Variants in SPOCK3 observed in about 807,000 individuals in gnomAD.
The protein encoded by SPOCK3 is testican-3.
SPOCK3 carries 30 observed loss-of-function variants against 56.6 expected under a neutral mutation model. The observed-to-expected ratio is 0.53, with a 90% CI of 0.40 to 0.72. The LOEUF (loss-of-function observed/expected upper bound fraction) is 0.72, where lower values mean the gene tolerates loss of function less well. Ranked by LOEUF, SPOCK3 falls within the 30% of genes least tolerant of loss-of-function variation. SPOCK3 has a pLI of 0.00. For synonymous variants in SPOCK3, 196 were observed against 183.3 expected (o/e 1.07, Z -0.56); for missense variants, 527 against 530.0 (o/e 0.99, Z 0.06).
intron 2 of SPOCK3, among the ~76,000 whole-genome samples, chr4:167,215,959 G>T (rs1306112533): frequency 1.3e-5 from 2 of 152,118 alleles, no homozygotes; most frequent in Non-Finnish European, 2.9e-5. Flanking sequence ...TGCTGGGTGA[G>T]CATGGAATTG....
chr4:166,904,442 G>C (rs1395578937), intron 5 of SPOCK3, among the ~76,000 whole-genome samples: 2 of 151,984 alleles, frequency 1.3e-5, no homozygotes, highest in African/African-American at 4.8e-5. Flanking sequence ...CTGACAAAAA[G>C]ATTACAGAAC....
intron 2 of SPOCK3, among the ~76,000 whole-genome samples, chr4:167,106,710 GTT>G (rs34725928): frequency 1.8e-4 from 26 of 140,644 alleles, no homozygotes; most frequent in African/African-American, 4.1e-4. Context: ...ACAAAAAGTT[GTT>G]TTTTTTTTTT....
intron 6 of SPOCK3, among the ~76,000 whole-genome samples, chr4:166,857,221 T>A (rs950262663): frequency 6.6e-6 from 1 of 152,214 alleles, no homozygotes; most frequent in Non-Finnish European, 1.5e-5. Context: ...GCAGATAGCA[T>A]GGTCTTCACT....
chr4:167,082,590 A>G (rs1377568229), intron 2 of SPOCK3, among the ~76,000 whole-genome samples: 1 of 152,026 alleles, frequency 6.6e-6, no homozygotes, highest in Non-Finnish European at 1.5e-5. Flanking sequence ...GTTTACTAAA[A>G]TGAAGTTGGA....
chr4:166,925,275 C>A (rs911450874), intron 4 of SPOCK3, among the ~76,000 whole-genome samples: 1 of 152,006 alleles, frequency 6.6e-6, no homozygotes, highest in Non-Finnish European at 1.5e-5. Flanking sequence ...AATACAAAAA[C>A]CATTCTTAAT....
rs796293945 is a variant in SPOCK3 at position 166,748,847 on chromosome 4, C to G, written c.931+5661G>C. ...GTAAAGGATATGAACAGACATTTTT[C>G]AAACGAAGTCATTTATGCCACCAAC... On this transcript the variant is annotated intron_variant, in intron 8 of 10. Transcript: ENST00000357545. Among the ~76,000 whole-genome samples the G allele has an allele frequency of 8.0e-5, 11 of 137,262 alleles. 3 individuals are homozygous for G. The highest frequency in any genetic ancestry group is 1.2e-4 in the African/African-American group (4 of 32,292). 90.0% of individuals were successfully genotyped at this position (137,262 alleles called of 152,430 possible).
Position 167,004,870 on chromosome 4 carries a change from G to A in SPOCK3, c.236-4407C>T, listed in dbSNP as rs890270056. ...GGTGATGACCTTATCTTTCATATTAGTGAAATGCCTGTGGTGACATCCAGA... is the reference window on the plus strand; with the variant it reads ...GGTGATGACCTTATCTTTCATATTAATGAAATGCCTGTGGTGACATCCAGA... On this transcript the variant is annotated intron_variant, in intron 3 of 10. Coordinates refer to ENST00000357545, the MANE Select transcript of SPOCK3 (RefSeq NM_001040159.2). 3.9e-5 allele frequency among the ~76,000 whole-genome samples: 6 copies of A among 152,230 alleles called. No homozygotes were observed. In the East Asian group the frequency reaches 5.8e-4, roughly 15 times the overall value.
At chr4:167,059,060 C>T (rs1227354948) in intron 3 of SPOCK3, among the ~76,000 whole-genome samples, 1 of 151,948 alleles carries the variant, frequency 6.6e-6, no homozygotes, top group Non-Finnish European at 1.5e-5. Context: ...AGAAGAAAAC[C>T]TAGGCAATAC....
chr4:166,874,192 C>T (rs776948847), intron 6 of SPOCK3, among the ~76,000 whole-genome samples: 2 of 152,024 alleles, frequency 1.3e-5, no homozygotes, highest in East Asian at 1.9e-4. Context: ...CTAAGCTTGG[C>T]GTTCCTCAGC....
At chr4:166,944,415 C>T (rs1213280929) in intron 4 of SPOCK3, among the ~76,000 whole-genome samples, 1 of 152,092 alleles carries the variant, frequency 6.6e-6, no homozygotes, top group East Asian at 1.9e-4. Flanking sequence ...GAGTTCTGCT[C>T]ATTGTCCCGA....
rs576303891 is a variant in SPOCK3, at chr4:166,734,069, T to C, written c.*852A>G. 116 of 152,220 alleles carry C rather than the reference T, an allele frequency of 7.6e-4. No individual in the cohort carries two copies. Among genetic ancestry groups the C allele is most frequent in the African/African-American group, 2.6e-3 (108 of 41,548 alleles). 9.4% of individuals were successfully genotyped at this position (152,220 alleles called of 1,614,324 possible). A position where few individuals can be genotyped will look rare whatever the true frequency, so the allele number is the denominator to read the frequency against. On this transcript the variant is annotated 3_prime_UTR_variant, in exon 11 of 11. Coordinates refer to ENST00000357545, the MANE Select transcript of SPOCK3 (RefSeq NM_001040159.2). ...AAAATTAAGAATTTAAAATTTGACC[T>C]TGGGGCAAATGACAAACTTTGTAAA...
chr4:167,024,606 T>C (rs1751517544), intron 3 of SPOCK3, among the ~76,000 whole-genome samples: 1 of 152,014 alleles, frequency 6.6e-6, no homozygotes, highest in South Asian at 2.1e-4. Flanking sequence ...TTTGAACAAA[T>C]ACATTAGGAT....
intron 6 of SPOCK3, among the ~76,000 whole-genome samples, chr4:166,820,768 G>A (rs1359297997): frequency 6.6e-6 from 1 of 151,874 alleles, no homozygotes; most frequent in Non-Finnish European, 1.5e-5. Context: ...AGGCTGCAAG[G>A]AGTAGAGATC....
At chr4:167,015,152 T>C (rs187321628) in intron 3 of SPOCK3, among the ~76,000 whole-genome samples, 3 of 152,124 alleles carry the variant, frequency 2.0e-5, no homozygotes, top group East Asian at 3.9e-4. Flanking sequence ...CTGCTCCCTA[T>C]AGATAGATAA....
At chr4:166,905,104 GATTA>G (rs1736475685) in intron 5 of SPOCK3, among the ~76,000 whole-genome samples, 1 of 151,712 alleles carries the variant, frequency 6.6e-6, no homozygotes, top group African/African-American at 2.4e-5. Flanking sequence ...TTTTTTTAAA[GATTA>G]ATTTACTACA....
intron 7 of SPOCK3, among the ~76,000 whole-genome samples, chr4:166,773,081 C>A (rs1474718016): frequency 6.6e-6 from 1 of 152,206 alleles, no homozygotes; most frequent in Non-Finnish European, 1.5e-5. Flanking sequence ...CATGAGCCAG[C>A]ATGCCTAGCT....
intron 8 of SPOCK3, among the ~76,000 whole-genome samples, chr4:166,746,773 T>C (rs1283987154): frequency 1.3e-5 from 2 of 151,946 alleles, no homozygotes; most frequent in Non-Finnish European, 2.9e-5. Context: ...AAGAATCAAA[T>C]AGATGCAATA....
chr4:167,219,661 T>C (rs1015044600), intron 2 of SPOCK3, among the ~76,000 whole-genome samples: 1 of 152,106 alleles, frequency 6.6e-6, no homozygotes, highest in Non-Finnish European at 1.5e-5. Flanking sequence ...TCAAGTTGAC[T>C]GAAAGATTTA....
intron 2 of SPOCK3, among the ~76,000 whole-genome samples, chr4:167,081,721 G>A (rs1208915762): frequency 3.3e-5 from 5 of 151,960 alleles, no homozygotes; most frequent in Admixed American, 6.6e-5. Flanking sequence ...GGCAAGGAGG[G>A]AGCCAAAAAT....
Sources: gnomAD v4.1 joint callset for allele counts (sites outside exome capture counted in the v4.1 genomes callset) on GRCh38, gnomAD v4.1.1 for gene constraint, MANE v1.5 for transcripts, NCBI Gene and HGNC (gene_info 2026-07-23, HGNC 2026-07-21) for gene names.